Variants in XPO7 observed in about 807,000 individuals in gnomAD.
XPO7 encodes exportin 7.
XPO7 carries 21 observed loss-of-function variants against 144.3 expected under a neutral mutation model. That is an observed-to-expected ratio of 0.15 (90% CI 0.10 to 0.21). XPO7 has a LOEUF of 0.21. Among genes scored for constraint, XPO7 ranks in the 10% least tolerant of loss-of-function variants. The pLI is 1.00. For synonymous variants in XPO7, 580 were observed against 499.6 expected (o/e 1.16, Z -2.15); for missense variants, 808 against 1,325.8 (o/e 0.61, Z 6.06).
Position 21,994,427 on chromosome 8 carries a change from G to A in XPO7, c.2213G>A (p.Ser738Asn). The A allele has an allele frequency of 6.8e-6, 11 of 1,611,888 alleles. No individual in the cohort carries two copies. Among genetic ancestry groups the A allele is most frequent in the East Asian group, 2.2e-5 (1 of 44,836 alleles). ...GIAFAFNAKT[S>N]FMMLFEWIYP... is the part of the protein sequence containing the mutation. Reference sequence around the variant, plus strand: ...GCTTTCGCTTTCAATGCCAAGACCAGCTTCATGATGCTCTTTGAATGGATG... The same window carrying A: ...GCTTTCGCTTTCAATGCCAAGACCAACTTCATGATGCTCTTTGAATGGATG... The change falls in exon 20 of 28, where the codon AGC becomes AAC. Residue 738 changes from serine (S) to asparagine (N), a missense_variant. By Grantham distance (46) the Ser-to-Asn change is conservative (BLOSUM62 1). Transcript: ENST00000252512.
At chr8:21,995,356 C>A in intron 20 of XPO7, 136 bp from the exon 21 acceptor site, 1 of 685,832 alleles carries the variant, frequency 1.5e-6, no homozygotes, top group Non-Finnish European at 2.4e-6. Context: ...TAGAAAGACT[C>A]CAAGATTAGC....
chr8:21,956,746 T>C (rs1443111375), intron 1 of XPO7, among the ~76,000 whole-genome samples: 2 of 152,020 alleles, frequency 1.3e-5, no homozygotes, highest in South Asian at 4.1e-4. Context: ...TTTTTTTTTT[T>C]CTTTTTGTGC....
At chr8:21,989,808 G>T (rs1812699607) in intron 16 of XPO7, among the ~76,000 whole-genome samples, 1 of 99,876 alleles carries the variant, frequency 1.0e-5, no homozygotes, top group African/African-American at 3.4e-5. Flanking sequence ...TAGGAGTTTG[G>T]TATAGGTGTT....
intron 3 of XPO7, chr8:21,969,894 T>A: frequency 1.8e-6 from 1 of 550,064 alleles, no homozygotes; most frequent in Non-Finnish European, 3.1e-6. Context: ...TTTAGCTACC[T>A]AGGGATAGAG....
intron 1 of XPO7, among the ~76,000 whole-genome samples, chr8:21,961,413 C>G (rs1258414126): frequency 1.3e-5 from 2 of 151,786 alleles, no homozygotes; most frequent in African/African-American, 4.8e-5. Context: ...GCGGAGTCTC[C>G]CTATATTGCT....
intron 1 of XPO7, among the ~76,000 whole-genome samples, chr8:21,958,916 G>A (rs1464036861): frequency 6.7e-6 from 1 of 148,436 alleles, no homozygotes; most frequent in South Asian, 2.1e-4. Context: ...AGCCGAGTTC[G>A]CGCCACTACA....
intron 5 of XPO7, among the ~76,000 whole-genome samples, chr8:21,972,716 T>C (rs1240285922): frequency 6.6e-6 from 1 of 152,214 alleles, no homozygotes; most frequent in Admixed American, 6.5e-5. Context: ...CAGGCCCTTA[T>C]CAATATTAGC....
chr8:22,003,236 G>A lies in XPO7; in HGVS notation c.2961G>A (p.Leu987=), dbSNP rs34033679. 158 of 1,612,684 alleles carry A rather than the reference G, an allele frequency of 9.8e-5. No homozygotes were observed. The African/African-American group carries it at 2.0e-3, about 21-fold the overall frequency. The change falls in exon 26 of 28, where the codon CTG becomes CTA. Residue 987 remains leucine (L), a synonymous_variant. Coordinates refer to ENST00000252512, the MANE Select transcript of XPO7 (RefSeq NM_015024.5). ...ATTTTCAGATGCTGTCCACGGTGCTGAACATCATCATCTTTGAAGACTGTA... is the reference window on the plus strand; with the variant it reads ...ATTTTCAGATGCTGTCCACGGTGCTAAACATCATCATCTTTGAAGACTGTA... The part of the protein sequence containing the change: ...EMIQQMLSTV[L]NIIIFEDCRN...
chr8:21,945,874 C>G (rs1303386279), intron 1 of XPO7, among the ~76,000 whole-genome samples: 2 of 152,082 alleles, frequency 1.3e-5, no homozygotes, highest in Admixed American at 6.5e-5. Flanking sequence ...CTTAAATGAA[C>G]CTATTCAGAC....
chr8:21,979,988 T>C (rs1812351033), intron 8 of XPO7, 96 bp from the exon 9 acceptor site: 5 of 1,326,844 alleles, frequency 3.8e-6, no homozygotes, highest in South Asian at 3.7e-5. Context: ...GCTTCAGATA[T>C]CCTAAAGAAG....
intron 1 of XPO7, among the ~76,000 whole-genome samples, chr8:21,959,841 C>T (rs1811663587): frequency 6.6e-6 from 1 of 152,126 alleles, no homozygotes; most frequent in Admixed American, 6.5e-5. Context: ...AACTGAAGTT[C>T]CTGGAAGTTA....
At chr8:21,938,582 A>G (rs1563312956) in intron 1 of XPO7, among the ~76,000 whole-genome samples, 1 of 152,176 alleles carries the variant, frequency 6.6e-6, no homozygotes. Flanking sequence ...TGCGTCATTT[A>G]CATATTAGGT....
At chr8:21,995,804 C>T (rs538277404) in intron 21 of XPO7, among the ~76,000 whole-genome samples, 4 of 152,094 alleles carry the variant, frequency 2.6e-5, no homozygotes, top group Non-Finnish European at 5.9e-5. Context: ...AAATAAGTCA[C>T]TTTTTTTGGT....
chr8:21,954,848 T>G (rs1207357426), intron 1 of XPO7, among the ~76,000 whole-genome samples: 1 of 152,204 alleles, frequency 6.6e-6, no homozygotes, highest in Non-Finnish European at 1.5e-5. Context: ...AAGTCAGTTG[T>G]TTGACCTTGT....
chr8:21,937,383 A>G (rs1331157291), intron 1 of XPO7, among the ~76,000 whole-genome samples: 1 of 152,208 alleles, frequency 6.6e-6, no homozygotes, highest in Non-Finnish European at 1.5e-5. Flanking sequence ...TACCAAGAAG[A>G]TTAAACCTCT....
chr8:21,964,194 C>G (rs1157125067), intron 1 of XPO7: 1 of 152,034 alleles, frequency 6.6e-6, no homozygotes, highest in Non-Finnish European at 1.5e-5. Context: ...TTTTCAGGAA[C>G]AGAAAATAGA....
At chr8:21,955,313 G>A (rs534595483) in intron 1 of XPO7, among the ~76,000 whole-genome samples, 1 of 152,278 alleles carries the variant, frequency 6.6e-6, no homozygotes, top group East Asian at 1.9e-4. Flanking sequence ...CTCCTTATCA[G>A]AACTCAAACT....
In XPO7 at chr8:22,002,286, G is replaced by A; in HGVS notation, c.2943+14G>A. ...ATGATCCAGCAGGTAAGAAAGTGGA[G>A]GCTTAGGAGGCAGTGATGGGGTGTC... On this transcript the variant is annotated intron_variant, in intron 25 of 27. Coordinates refer to ENST00000252512, the MANE Select transcript of XPO7 (RefSeq NM_015024.5). 6.2e-7 allele frequency: 1 copy of A among 1,609,952 alleles called. No homozygotes were observed. Among genetic ancestry groups the A allele is most frequent in the Non-Finnish European group, 8.5e-7 (1 of 1,178,398 alleles).
chr8:21,995,011 G>A (rs917419591), intron 20 of XPO7, among the ~76,000 whole-genome samples: 30 of 151,716 alleles, frequency 2.0e-4, no homozygotes, highest in African/African-American at 7.0e-4. Context: ...CCGAGATCGC[G>A]CCACTGCACT....
Sources: allele counts gnomAD v4.1 joint callset (sites outside exome capture counted in the v4.1 genomes callset), GRCh38; gene constraint gnomAD v4.1.1; transcripts MANE v1.5; gene names NCBI Gene and HGNC (gene_info 2026-07-23, HGNC 2026-07-21).